CDK8: variants seen among roughly 807,000 people sequenced by gnomAD.
The protein encoded by CDK8 is cyclin-dependent kinase 8.
A neutral mutation model predicts 71.5 loss-of-function variants in CDK8; 29 were observed. That is an observed-to-expected ratio of 0.41 (90% confidence interval 0.30 to 0.55). CDK8 has a LOEUF of 0.55. Ranked by LOEUF, CDK8 falls within the 20% of genes least tolerant of loss-of-function variation. The pLI, the probability that CDK8 is intolerant of heterozygous loss-of-function variation, is 0.37. For missense variants in CDK8, 288 were observed against 572.6 expected, an observed-to-expected ratio of 0.50 and a Z score of 5.07; for synonymous variants, 161 against 192.1, an observed-to-expected ratio of 0.84 and a Z score of 1.34.
chr13:26,400,611 T>C, intron 10 of CDK8, 61 bp downstream of exon 10: 3 of 993,614 alleles, frequency 3.0e-6, no homozygotes, highest in Non-Finnish European at 4.9e-6. Flanking sequence ...TGCTTTCTTC[T>C]GCTTGTCAGC....
intron 1 of CDK8, among the ~76,000 whole-genome samples, chr13:26,332,477 T>C (rs1285196477): frequency 2.0e-5 from 2 of 101,634 alleles, no homozygotes; most frequent in Non-Finnish European, 2.2e-5. Flanking sequence ...AGAGCAAGAC[T>C]CCATATAATA....
intron 4 of CDK8, among the ~76,000 whole-genome samples, chr13:26,361,431 C>T (rs938730520): frequency 2.0e-4 from 31 of 152,310 alleles, no homozygotes; most frequent in African/African-American, 7.2e-4. Flanking sequence ...TACACCTAAA[C>T]TACCAAACAT....
In CDK8 at chr13:26,345,960, A is replaced by G. The variant is rs367709693; in HGVS notation, c.205-3112A>G. Reference sequence around the variant, plus strand: ...GCCGTTGTCAAGTTTGCCACCTGGTATATATTTAAGACATTTATGTCTCTG... The same window carrying G: ...GCCGTTGTCAAGTTTGCCACCTGGTGTATATTTAAGACATTTATGTCTCTG... On this transcript the variant is annotated intron_variant, in intron 2 of 12. Coordinates refer to ENST00000381527, the MANE Select transcript of CDK8 (RefSeq NM_001260.3). Among the ~76,000 whole-genome samples the G allele has an allele frequency of 1.5e-3, 221 of 152,328 alleles. 7 individuals carry two copies. In the South Asian group the frequency reaches 0.044, roughly 30 times the overall value.
chr13:26,373,771 G>C (rs778778234), intron 4 of CDK8, among the ~76,000 whole-genome samples: 12 of 152,026 alleles, frequency 7.9e-5, no homozygotes, highest in Admixed American at 1.3e-4. Context: ...AATTTGAGTA[G>C]CTAATTGTAT....
At chr13:26,347,429 TC>T (rs1247852475) in intron 2 of CDK8, among the ~76,000 whole-genome samples, 3 of 152,216 alleles carry the variant, frequency 2.0e-5, no homozygotes, top group African/African-American at 7.2e-5. Flanking sequence ...TTTGATATTT[TC>T]TAAAAAGGAT....
intron 1 of CDK8, among the ~76,000 whole-genome samples, chr13:26,319,039 CACAA>C (rs1264879737): frequency 6.6e-6 from 1 of 152,116 alleles, no homozygotes; most frequent in African/African-American, 2.4e-5. Context: ...ATTACACACA[CACAA>C]ACAAGTAATA....
intron 1 of CDK8, among the ~76,000 whole-genome samples, chr13:26,288,342 G>A (rs1873123794): frequency 6.6e-6 from 1 of 152,060 alleles, no homozygotes; most frequent in Non-Finnish European, 1.5e-5. Context: ...TAAGGTTACA[G>A]TTTTTTACAT....
intron 1 of CDK8, among the ~76,000 whole-genome samples, chr13:26,258,649 G>T (rs1871635487): frequency 6.6e-6 from 1 of 152,012 alleles, no homozygotes; most frequent in African/African-American, 2.4e-5. Context: ...CAAGTCATTT[G>T]CCCTTATAGC....
Position 26,369,000 on chromosome 13 carries a change from C to G in CDK8, c.457-13814C>G, listed in dbSNP as rs528378167. Among the ~76,000 whole-genome samples the G allele has an allele frequency of 2.0e-5, 3 of 152,026 alleles. No individual in the cohort carries two copies. The East Asian group carries it at 5.8e-4, about 29-fold the overall frequency. ...TAATACTTTGTTTTGTCTATTTTCA[C>G]AAGTAAGTTTGGTCAGTAATCTTCT... On this transcript the variant is annotated intron_variant, in intron 4 of 12. Coordinates refer to ENST00000381527, the MANE Select transcript of CDK8 (RefSeq NM_001260.3).
chr13:26,295,541 A>G (rs948407983), intron 1 of CDK8, among the ~76,000 whole-genome samples: 3 of 152,186 alleles, frequency 2.0e-5, no homozygotes. Flanking sequence ...CTTGCAGAGT[A>G]AAGAGTCTTT....
At chr13:26,330,807 G>GTA (rs1875280565) in intron 1 of CDK8, among the ~76,000 whole-genome samples, 1 of 152,124 alleles carries the variant, frequency 6.6e-6, no homozygotes, top group Non-Finnish European at 1.5e-5. Context: ...ATTCTATAGT[G>GTA]TATATATACC....
chr13:26,290,028 A>G (rs1873223269), intron 1 of CDK8, among the ~76,000 whole-genome samples: 1 of 152,158 alleles, frequency 6.6e-6, no homozygotes, highest in South Asian at 2.1e-4. Flanking sequence ...TGTAAAAATA[A>G]CATTATAAAT....
chr13:26,299,079 G>A (rs1020958912), intron 1 of CDK8, among the ~76,000 whole-genome samples: 22 of 152,264 alleles, frequency 1.4e-4, no homozygotes, highest in Admixed American at 9.2e-4. Context: ...TTAGTAAAGG[G>A]TGCTTCTTGT....
At chr13:26,335,235 C>T (rs1872926940) in intron 1 of CDK8, among the ~76,000 whole-genome samples, 1 of 152,200 alleles carries the variant, frequency 6.6e-6, no homozygotes, top group African/African-American at 2.4e-5. Flanking sequence ...AATATAGACC[C>T]TGCCACCACA....
chr13:26,310,710 G>T (rs793129), intron 1 of CDK8, among the ~76,000 whole-genome samples: 144,035 of 152,190 alleles, frequency 0.95, 68,201 homozygotes, highest in East Asian at 1. Flanking sequence ...ACCTCGTGCT[G>T]TGCAGCCCAG....
At chr13:26,395,635 A>G (rs932425005) in intron 7 of CDK8, among the ~76,000 whole-genome samples, 2 of 152,170 alleles carry the variant, frequency 1.3e-5, no homozygotes, top group African/African-American at 2.4e-5. Context: ...GATGCCAGCA[A>G]AAGTAGCTGA....
intron 1 of CDK8, among the ~76,000 whole-genome samples, chr13:26,263,900 C>T (rs1249020129): frequency 6.6e-6 from 1 of 152,098 alleles, no homozygotes; most frequent in Admixed American, 6.5e-5. Context: ...GCGCCCGCCA[C>T]TACGCCCGGC....
At position 26,353,751 on chromosome 13, in the gene CDK8, G is replaced by A. The variant is rs1873778813; in HGVS notation, c.327G>A (p.Lys109=). The A allele has an allele frequency of 6.2e-7, 1 of 1,610,534 alleles. No individual in the cohort carries two copies. The highest frequency in any genetic ancestry group is 1.3e-5 in the African/African-American group (1 of 74,718). ...YAEHDLWHII[K]FHRASKANKK... ...TTTCTTTCTTTCAGCATATAATCAA[G>A]TTTCACAGAGCTTCTAAAGCAAACA... Residue 109 remains lysine, a synonymous_variant, in exon 4 of 13, where the codon AAG becomes AAA. Transcript: ENST00000381527.
chr13:26,356,025 G>C (rs1442001408), intron 4 of CDK8, among the ~76,000 whole-genome samples: 1 of 152,028 alleles, frequency 6.6e-6, no homozygotes, highest in Non-Finnish European at 1.5e-5. Context: ...TCTCTCTTAT[G>C]GTAAAGCTCT....
Sources: allele counts gnomAD v4.1 joint callset (sites outside exome capture counted in the v4.1 genomes callset), GRCh38; gene constraint gnomAD v4.1.1; transcripts MANE v1.5; gene names NCBI Gene and HGNC (gene_info 2026-07-23, HGNC 2026-07-21).